NCAM1: variants seen among roughly 807,000 people sequenced by gnomAD.
NCAM1 encodes antigen recognized by monoclonal antibody 5.1H11.
A neutral mutation model predicts 109.8 loss-of-function variants in NCAM1; 14 were observed. That is an observed-to-expected ratio of 0.13 (90% CI 0.08 to 0.20). The LOEUF is 0.20. Ranked by LOEUF, NCAM1 falls within the 10% of genes least tolerant of loss-of-function variation. The pLI is 1.00. For synonymous variants in NCAM1, 418 were observed against 442.9 expected (o/e 0.94, Z 0.70); for missense variants, 774 against 1,109.9 (o/e 0.70, Z 4.30).
At chr11:113,011,701 G>A (rs1555074423) in intron 1 of NCAM1, among the ~76,000 whole-genome samples, 1 of 152,176 alleles carries the variant, frequency 6.6e-6, no homozygotes, top group Non-Finnish European at 1.5e-5. Context: ...TGTAGCATAA[G>A]CAACCATAAA....
chr11:113,234,067 A>G (rs1320027649), intron 13 of NCAM1, among the ~76,000 whole-genome samples: 2 of 152,004 alleles, frequency 1.3e-5, no homozygotes, highest in Non-Finnish European at 2.9e-5. Flanking sequence ...AGTTTCACTC[A>G]GAATTAGTTC....
chr11:113,085,631 C>T (rs1274773412), intron 1 of NCAM1, among the ~76,000 whole-genome samples: 1 of 152,160 alleles, frequency 6.6e-6, no homozygotes, highest in African/African-American at 2.4e-5. Flanking sequence ...CTCCTGAACC[C>T]CCAGGGGACT....
At chr11:113,214,614 G>T in intron 8 of NCAM1, 103 bp downstream of exon 8, 1 of 1,322,782 alleles carries the variant, frequency 7.6e-7, no homozygotes, top group Non-Finnish European at 1.0e-6. Context: ...GATGGGTTAT[G>T]GTCACCAGAG....
chr11:113,170,676 G>A (rs1241738962), intron 1 of NCAM1, among the ~76,000 whole-genome samples: 1 of 152,034 alleles, frequency 6.6e-6, no homozygotes, highest in Non-Finnish European at 1.5e-5. Flanking sequence ...GCTTGTTTAG[G>A]TTTCATTTTT....
intron 1 of NCAM1, among the ~76,000 whole-genome samples, chr11:113,172,954 G>A (rs942508910): frequency 2.6e-5 from 4 of 152,176 alleles, no homozygotes; most frequent in African/African-American, 7.2e-5. Context: ...TTTTTCCCAT[G>A]ATGTTGTCAA....
chr11:113,216,263 C>T (rs577147724), intron 8 of NCAM1, among the ~76,000 whole-genome samples: 452 of 151,280 alleles, frequency 3.0e-3, no homozygotes, highest in Non-Finnish European at 4.1e-3. Flanking sequence ...CATTCTCCTG[C>T]CTCAGCCTCC....
At chr11:112,990,268 T>A (rs782555589) in intron 1 of NCAM1, among the ~76,000 whole-genome samples, 3 of 152,080 alleles carry the variant, frequency 2.0e-5, no homozygotes, top group Non-Finnish European at 2.9e-5. Context: ...GGGTCACTGG[T>A]TGGGTCCTTG....
chr11:113,113,767 TA>T (rs71060287), intron 1 of NCAM1, among the ~76,000 whole-genome samples: 85,816 of 150,322 alleles, frequency 0.57, 24,607 homozygotes, highest in African/African-American at 0.61. Flanking sequence ...CAGGTTCTTT[TA>T]AAAAAAAAAA....
At chr11:113,192,557 A>C (rs1225151208) in intron 1 of NCAM1, among the ~76,000 whole-genome samples, 2 of 152,178 alleles carry the variant, frequency 1.3e-5, no homozygotes. Context: ...CAGCTTATTT[A>C]GCTGTGCTTA....
At chr11:113,059,700 C>T (rs952553794) in intron 1 of NCAM1, among the ~76,000 whole-genome samples, 1 of 152,180 alleles carries the variant, frequency 6.6e-6, no homozygotes, top group Non-Finnish European at 1.5e-5. Flanking sequence ...CATATTCCAT[C>T]GGTCCAGGCA....
At chr11:113,207,700 G>C in intron 6 of NCAM1, 133 bp from the exon 7 acceptor site, 1 of 949,636 alleles carries the variant, frequency 1.1e-6, no homozygotes, top group African/African-American at 1.6e-5. Context: ...GTTCAACTTG[G>C]TGCCTTAACT....
Position 113,242,734 on chromosome 11 carries a change from CTA to C in NCAM1, c.1826-3632_1826-3631del. 3 of 1,340,360 alleles carry C rather than the reference CTA, an allele frequency of 2.2e-6. No individual in the cohort carries two copies. The South Asian group carries it at 3.5e-5, about 16-fold the overall frequency. 83.0% of individuals were successfully genotyped at this position (1,340,360 alleles called of 1,614,324 possible). A position where few individuals can be genotyped will look rare whatever the true frequency, so the allele number is the denominator to read the frequency against. On this transcript the variant is annotated intron_variant, in intron 14 of 19. Transcript: ENST00000316851. The stretch of plus-strand genomic sequence containing the variant: ...CACCCATGTATGTATACATATATAG[CTA>C]TGAGTTTAATTTATCTCCATTCTCT...
chr11:113,232,836 G>T, intron 12 of NCAM1, 22 bp downstream of exon 12: 1 of 1,590,080 alleles, frequency 6.3e-7, no homozygotes, highest in Middle Eastern at 1.7e-4. Flanking sequence ...TTACTCACCT[G>T]AGAGCAGCTG....
At position 113,260,264 on chromosome 11, in the gene NCAM1, G is replaced by A; in HGVS notation, c.2072G>A (p.Gly691Glu). Reference sequence around the variant, plus strand: ...TACGTGGTGGCTGAGAACCAGCAAGGAAAATCCAAGGCGGCTCATTTTGTG... The same window carrying A: ...TACGTGGTGGCTGAGAACCAGCAAGAAAAATCCAAGGCGGCTCATTTTGTG... ...EVYVVAENQQ[G>E]KSKAAHFVFR... is the part of the protein sequence containing the mutation. Residue 691 changes from glycine (G) to glutamate (E), a missense_variant, in exon 17 of 20, where the codon GGA becomes GAA. Physicochemically the swap from Gly to Glu is moderately conservative, Grantham distance 98 (BLOSUM62 -2). This residue lies in a region of NCAM1 where 523 missense variants were observed against 784.2 expected (regional missense o/e 0.67). Coordinates refer to ENST00000316851, the MANE Select transcript of NCAM1 (RefSeq NM_181351.5). 2 of 1,613,978 alleles carry A rather than the reference G, an allele frequency of 1.2e-6. No individual in the cohort carries two copies. Among genetic ancestry groups the A allele is most frequent in the Non-Finnish European group, 1.7e-6 (2 of 1,179,878 alleles).
intron 1 of NCAM1, among the ~76,000 whole-genome samples, chr11:113,064,469 T>C (rs1937850304): frequency 6.6e-6 from 1 of 152,260 alleles, no homozygotes; most frequent in Non-Finnish European, 1.5e-5. Flanking sequence ...CTTAAAATTA[T>C]ACCAATATAC....
chr11:112,986,567 A>C (rs1386813687), intron 1 of NCAM1, among the ~76,000 whole-genome samples: 1 of 151,926 alleles, frequency 6.6e-6, no homozygotes, highest in Non-Finnish European at 1.5e-5. Context: ...GGAGATCTTT[A>C]ATTACTGATT....
chr11:113,141,917 G>A (rs1555100510), intron 1 of NCAM1, among the ~76,000 whole-genome samples: 1 of 152,070 alleles, frequency 6.6e-6, no homozygotes, highest in East Asian at 1.9e-4. Flanking sequence ...ACAAATTACT[G>A]GAACAATTGC....
chr11:112,979,963 A>T (rs1951109856), intron 1 of NCAM1, among the ~76,000 whole-genome samples: 1 of 151,798 alleles, frequency 6.6e-6, no homozygotes, highest in Non-Finnish European at 1.5e-5. Flanking sequence ...ACAAAATGCG[A>T]CACCCCTTCA....
intron 1 of NCAM1, among the ~76,000 whole-genome samples, chr11:113,028,854 C>T (rs1290355267): frequency 2.0e-5 from 3 of 152,094 alleles, no homozygotes; most frequent in Non-Finnish European, 4.4e-5. Context: ...TTCTCAGCAG[C>T]ATGTCTAGTT....
Sources: allele counts gnomAD v4.1 joint callset (sites outside exome capture counted in the v4.1 genomes callset), GRCh38; gene constraint gnomAD v4.1.1; regional missense constraint gnomAD v4.1.1; transcripts MANE v1.5; gene names NCBI Gene and HGNC (gene_info 2026-07-23, HGNC 2026-07-21).